NSF: variants seen among roughly 807,000 people sequenced by gnomAD.
The protein encoded by NSF is N-ethylmaleimide sensitive factor, vesicle fusing ATPase.
Under a neutral mutation model 50.3 loss-of-function variants are expected in NSF, and 14 were observed. The ratio of observed to expected loss-of-function variants is 0.28; its 90% confidence interval spans 0.18 to 0.44. The LOEUF (loss-of-function observed/expected upper bound fraction) is 0.44, where lower values mean the gene tolerates loss of function less well. Among genes scored for constraint, NSF ranks in the 20% least tolerant of loss-of-function variants. The probability of loss-of-function intolerance (pLI) is 1.00; values close to 1 mark genes in which losing one functional copy is unlikely to be tolerated. For missense variants in NSF, 218 were observed against 504.3 expected, an observed-to-expected ratio of 0.43 and a Z score of 5.44; for synonymous variants, 109 against 175.7, an observed-to-expected ratio of 0.62 and a Z score of 3.00.
intron 12 of NSF, among the ~76,000 whole-genome samples, chr17:46,695,202 C>T (rs1419449565): frequency 7.8e-5 from 10 of 128,878 alleles, no homozygotes; most frequent in Non-Finnish European, 1.1e-4. Context: ...GCTGAGATTG[C>T]GCCACTGCAC....
rs958907334 is a variant in NSF at position 46,710,673 on chromosome 17, A to G, written c.1471-290A>G. 3.9e-5 allele frequency among the ~76,000 whole-genome samples: 6 copies of G among 152,308 alleles called. No individual in the cohort carries two copies. In the East Asian group the frequency reaches 1.2e-3, roughly 29 times the overall value. On this transcript the variant is annotated intron_variant, in intron 13 of 20. Transcript: ENST00000398238. ...CTGCATACTGTTGATAAAAATAAGC[A>G]CATTGGAACATATTCTTTCTCTCAG...
At chr17:46,712,842 T>C (rs1012827730) in intron 14 of NSF, among the ~76,000 whole-genome samples, 9 of 152,086 alleles carry the variant, frequency 5.9e-5, no homozygotes, top group African/African-American at 1.9e-4. Context: ...AGAGAATGTG[T>C]GTTACAGAAG....
chr17:46,723,165 T>C (rs992405196), intron 15 of NSF, among the ~76,000 whole-genome samples: 2 of 152,210 alleles, frequency 1.3e-5, no homozygotes, highest in African/African-American at 4.8e-5. Context: ...TGCAGCCATA[T>C]AAGCTGTACA....
At chr17:46,605,707 C>A (rs2057950431) in intron 1 of NSF, among the ~76,000 whole-genome samples, 1 of 68,754 alleles carries the variant, frequency 1.5e-5, no homozygotes, top group African/African-American at 6.8e-5. Context: ...GATCAATTTC[C>A]TGAAGGCTAA....
intron 15 of NSF, chr17:46,721,524 C>G: frequency 1.9e-6 from 2 of 1,056,440 alleles, no homozygotes; most frequent in Non-Finnish European, 2.9e-6. Flanking sequence ...ACTGGGCTGA[C>G]TATACATTCT....
At chr17:46,745,943 G>C (rs2059123525) in intron 17 of NSF, among the ~76,000 whole-genome samples, 1 of 152,144 alleles carries the variant, frequency 6.6e-6, no homozygotes, top group Non-Finnish European at 1.5e-5. Context: ...CTCTGGCTTA[G>C]AATGTCCTTC....
chr17:46,671,803 C>G (rs1362811150), intron 8 of NSF, among the ~76,000 whole-genome samples: 1 of 133,482 alleles, frequency 7.5e-6, no homozygotes, highest in Non-Finnish European at 1.7e-5. Context: ...TGAGCATTTT[C>G]TGTGTACAGA....
chr17:46,736,439 G>A (rs2059005642), intron 17 of NSF, among the ~76,000 whole-genome samples: 1 of 152,186 alleles, frequency 6.6e-6, no homozygotes, highest in African/African-American at 2.4e-5. Context: ...CAGATCTTTG[G>A]AGATTTCCTG....
At chr17:46,721,110 G>A (rs562170851) in intron 15 of NSF, among the ~76,000 whole-genome samples, 2 of 152,144 alleles carry the variant, frequency 1.3e-5, no homozygotes, top group Non-Finnish European at 2.9e-5. Context: ...GCAGAGCCCC[G>A]CTTCTCCTGT....
chr17:46,747,136 T>G (rs1280275630), intron 17 of NSF, among the ~76,000 whole-genome samples: 5 of 152,188 alleles, frequency 3.3e-5, no homozygotes, highest in Non-Finnish European at 7.3e-5. Flanking sequence ...CATTCATAGT[T>G]TAGCTCTTAA....
intron 15 of NSF, among the ~76,000 whole-genome samples, chr17:46,716,917 T>C (rs892903990): frequency 2.0e-5 from 3 of 152,258 alleles, no homozygotes; most frequent in Admixed American, 2.0e-4. Flanking sequence ...CTAAAGCTAA[T>C]CTGAACATTA....
At chr17:46,752,115 T>C (rs2059186980) in intron 19 of NSF, among the ~76,000 whole-genome samples, 2 of 152,196 alleles carry the variant, frequency 1.3e-5, no homozygotes, top group South Asian at 4.1e-4. Flanking sequence ...ATCTGTATAT[T>C]TGTCCCTGGC....
intron 13 of NSF, among the ~76,000 whole-genome samples, chr17:46,708,154 G>A (rs1465850372): frequency 6.6e-6 from 1 of 152,154 alleles, no homozygotes; most frequent in Non-Finnish European, 1.5e-5. Context: ...TCATTAGCAT[G>A]GCTGTACAGA....
At position 46,757,076 on chromosome 17, in the gene NSF, G is replaced by A. The variant is rs2059241433; in HGVS notation, c.*1253G>A. 6.6e-6 allele frequency: 1 copy of A among 152,210 alleles called. No individual in the cohort carries two copies. Among genetic ancestry groups the A allele is most frequent in the African/African-American group, 2.4e-5 (1 of 41,452 alleles). 9.4% of individuals were successfully genotyped at this position (152,210 alleles called of 1,614,324 possible). On this transcript the variant is annotated 3_prime_UTR_variant, in exon 21 of 21. Coordinates refer to ENST00000398238, the MANE Select transcript of NSF (RefSeq NM_006178.4). ...GCTTACCTCACACGCCACCCATGAGGCTTGTGGCCACAGTGGCACTTGGGT... is the reference window on the plus strand; with the variant it reads ...GCTTACCTCACACGCCACCCATGAGACTTGTGGCCACAGTGGCACTTGGGT...
chr17:46,739,956 T>C (rs2059053330), intron 17 of NSF, among the ~76,000 whole-genome samples: 1 of 152,208 alleles, frequency 6.6e-6, no homozygotes, highest in Non-Finnish European at 1.5e-5. Context: ...CTCCTCAGCC[T>C]CCCAAAGTGC....
In NSF at chr17:46,722,203, G is replaced by A. The variant is rs1317327726; in HGVS notation, c.1762-4346G>A. 9.0e-6 allele frequency: 14 copies of A among 1,553,334 alleles called. No individual in the cohort carries two copies. In the East Asian group the frequency reaches 2.9e-4, roughly 32 times the overall value. ...TGGGAGAACTTGCAGCGCCTGCTTA[G>A]GAAGAGACCCAAATCTCGCGAGAGC... On this transcript the variant is annotated intron_variant, in intron 15 of 20. Coordinates refer to ENST00000398238, the MANE Select transcript of NSF (RefSeq NM_006178.4).
chr17:46,667,571 G>A (rs1329820819), intron 8 of NSF, among the ~76,000 whole-genome samples: 2 of 140,968 alleles, frequency 1.4e-5, no homozygotes, highest in Admixed American at 1.5e-4. Flanking sequence ...TGCTAGTTGT[G>A]AAATCTAAAT....
intron 12 of NSF, 61 bp from the exon 13 acceptor site, chr17:46,704,698 T>C (rs2058641735): frequency 6.3e-7 from 1 of 1,574,890 alleles, no homozygotes; most frequent in Non-Finnish European, 8.6e-7. Flanking sequence ...TTAAACTGAA[T>C]ATATTCTTAA....
At chr17:46,722,300 C>T in intron 15 of NSF, 1 of 761,522 alleles carries the variant, frequency 1.3e-6, no homozygotes, top group Middle Eastern at 3.6e-4. Flanking sequence ...ACCTTCTTAC[C>T]TCCAGCCTCA....
Sources: gnomAD v4.1 joint callset for allele counts (sites outside exome capture counted in the v4.1 genomes callset) on GRCh38, gnomAD v4.1.1 for gene constraint, MANE v1.5 for transcripts, NCBI Gene and HGNC (gene_info 2026-07-23, HGNC 2026-07-21) for gene names.